Variants in CSMD2 observed in about 807,000 individuals in gnomAD.
CSMD2 encodes the protein CUB and Sushi multiple domains 2.
Under a neutral mutation model 398.5 loss-of-function variants are expected in CSMD2, and 130 were observed. The ratio of observed to expected loss-of-function variants is 0.33; its 90% CI spans 0.28 to 0.38. The LOEUF (loss-of-function observed/expected upper bound fraction) is 0.38. Ranked by LOEUF, CSMD2 falls within the 10% of genes least tolerant of loss-of-function variation. The pLI is 1.00. For missense variants in CSMD2, 3,829 were observed against 4,764.9 expected (o/e 0.80, Z 5.78); for synonymous variants, 1,828 against 1,908.5 (o/e 0.96, Z 1.10).
At chr1:33,732,312 T>C (rs1334192786) in intron 15 of CSMD2, among the ~76,000 whole-genome samples, 1 of 152,202 alleles carries the variant, frequency 6.6e-6, no homozygotes, top group Non-Finnish European at 1.5e-5. Flanking sequence ...CTGGGTGTTA[T>C]GGATGGAATT....
At chr1:33,972,823 T>C (rs1279505901) in intron 3 of CSMD2, among the ~76,000 whole-genome samples, 1 of 152,154 alleles carries the variant, frequency 6.6e-6, no homozygotes, top group Non-Finnish European at 1.5e-5. Context: ...ACAAAGGCCA[T>C]AGGAAACCAA....
intron 25 of CSMD2, among the ~76,000 whole-genome samples, chr1:33,665,033 T>C (rs1644263021): frequency 6.6e-6 from 1 of 152,188 alleles, no homozygotes; most frequent in Non-Finnish European, 1.5e-5. Context: ...GGAATCTCTC[T>C]GGCAGTTTTG....
chr1:33,978,181 G>A (rs1349790992), intron 3 of CSMD2, among the ~76,000 whole-genome samples: 1 of 152,192 alleles, frequency 6.6e-6, no homozygotes, highest in East Asian at 1.9e-4. Context: ...AAGGAGATGA[G>A]ATTACAACAC....
chr1:34,093,289 A>G (rs916323587), intron 1 of CSMD2, among the ~76,000 whole-genome samples: 1 of 152,250 alleles, frequency 6.6e-6, no homozygotes, highest in South Asian at 2.1e-4. Context: ...AAAAGTAGAT[A>G]AAACCACAAA....
In CSMD2 at chr1:33,559,283, G is replaced by A. The variant is rs1485388835; in HGVS notation, c.8554+17C>T. On this transcript the variant is annotated intron_variant, in intron 54 of 70. Transcript: ENST00000373381. This position sits in a 1 kb window ranked among gnomAD's most constrained non-coding sequence, Gnocchi z 4.0. ...AGAGATGGTGGGGACTGGATTGGGA[G>A]AGAAAGGGTGACTCACTTCTGCAGG... The A allele has an allele frequency of 2.6e-6, 4 of 1,533,680 alleles. No homozygotes were observed. The highest frequency in any genetic ancestry group is 2.7e-5 in the African/African-American group (2 of 72,994).
At chr1:33,806,645 A>T (rs1458414256) in intron 10 of CSMD2, among the ~76,000 whole-genome samples, 1 of 152,262 alleles carries the variant, frequency 6.6e-6, no homozygotes, top group Non-Finnish European at 1.5e-5. Flanking sequence ...AATTATGGAA[A>T]GAATTCAAGA....
At chr1:33,724,107 G>A in intron 19 of CSMD2, 90 bp downstream of exon 19, 1 of 854,976 alleles carries the variant, frequency 1.2e-6, no homozygotes, top group Non-Finnish European at 2.0e-6. Flanking sequence ...CACTATCTAG[G>A]GAGATCCCCA....
chr1:33,533,033 C>T lies in CSMD2; in HGVS notation c.10171+17G>A, dbSNP rs749261958. 103 of 1,588,622 alleles carry T rather than the reference C, an allele frequency of 6.5e-5. No individual in the cohort carries two copies. The highest frequency in any genetic ancestry group is 9.4e-5 in the African/African-American group (7 of 74,434). On this transcript the variant is annotated intron_variant, in intron 64 of 70. Transcript: ENST00000373381. The surrounding 1 kb of genome is among the most constrained non-coding windows in gnomAD (Gnocchi z 4.2). ...AGCCTCCCGCCCTGGAGAGCTTCCCCGAGCAGGCACACTCACCCAGGCAGA... is the reference window on the plus strand; with the variant it reads ...AGCCTCCCGCCCTGGAGAGCTTCCCTGAGCAGGCACACTCACCCAGGCAGA...
intron 10 of CSMD2, among the ~76,000 whole-genome samples, chr1:33,797,370 T>C (rs1469523236): frequency 1.3e-5 from 2 of 152,154 alleles, no homozygotes; most frequent in African/African-American, 4.8e-5. Flanking sequence ...TTATGGAAAA[T>C]AGAAAGAATC....
At chr1:34,036,017 C>T (rs116707237) in intron 2 of CSMD2, among the ~76,000 whole-genome samples, 202 of 152,250 alleles carry the variant, frequency 1.3e-3, no homozygotes, top group East Asian at 9.6e-3. Context: ...AGTCACGATA[C>T]CCAATGCTGG....
In CSMD2 at chr1:33,788,640, A is replaced by G; in HGVS notation, c.1623T>C (p.Asp541=). Reference sequence around the variant, plus strand: ...TGAATCCCAGGGAACTGCCACTGCCATCAGTCTGGAAGAGGAGCCACATTT... The same window carrying G: ...TGAATCCCAGGGAACTGCCACTGCCGTCAGTCTGGAAGAGGAGCCACATTT... The part of the protein sequence containing the change: ...NHQMWLLFQT[D]GSGSSLGFKA... The change falls in exon 12 of 71, where the codon GAT becomes GAC. Residue 541 remains aspartate, a synonymous_variant. Transcript: ENST00000373381. The G allele has an allele frequency of 6.2e-7, 1 of 1,613,910 alleles. No individual in the cohort carries two copies. The highest frequency in any genetic ancestry group is 8.5e-7 in the Non-Finnish European group (1 of 1,179,770).
chr1:33,915,115 T>C (rs1443473528), intron 5 of CSMD2, among the ~76,000 whole-genome samples: 2 of 152,104 alleles, frequency 1.3e-5, no homozygotes, highest in Non-Finnish European at 2.9e-5. Context: ...TTTTTTTTTC[T>C]CTCAAAGGAA....
chr1:34,116,330 C>T (rs909852290), intron 1 of CSMD2, among the ~76,000 whole-genome samples: 3 of 151,882 alleles, frequency 2.0e-5, no homozygotes, highest in Non-Finnish European at 4.4e-5. Context: ...TAACCAAAGA[C>T]AGCAAGGTGA....
In CSMD2 at chr1:33,923,094, ATTG is replaced by A. The variant is rs1644004606; in HGVS notation, c.713-4796_713-4794del. Among the ~76,000 whole-genome samples the A allele has an allele frequency of 3.3e-5, 5 of 152,130 alleles. No individual in the cohort carries two copies. The South Asian group carries it at 1.0e-3, about 32-fold the overall frequency. ...CTTGGAGCACTCCCTTAAAAAATTT[ATTG>A]TTATAAAATATTTGTACATTTTTAT... On this transcript the variant is annotated intron_variant, in intron 4 of 70. Transcript: ENST00000373381.
intron 2 of CSMD2, among the ~76,000 whole-genome samples, chr1:34,083,235 G>A (rs1455985093): frequency 6.6e-6 from 1 of 152,162 alleles, no homozygotes; most frequent in Non-Finnish European, 1.5e-5. Context: ...CATGGAAAAT[G>A]CTGCTAGGAC....
At chr1:33,914,437 C>T (rs1288063764) in intron 5 of CSMD2, among the ~76,000 whole-genome samples, 1 of 151,668 alleles carries the variant, frequency 6.6e-6, no homozygotes, top group Non-Finnish European at 1.5e-5. Flanking sequence ...GTGAGGGCTG[C>T]ACACATGTAT....
In CSMD2 at chr1:33,726,579, C is replaced by T. The variant is rs1376724851; in HGVS notation, c.2475G>A (p.Gln825=). 6.2e-7 allele frequency: 1 copy of T among 1,612,844 alleles called. No individual in the cohort carries two copies. The highest frequency in any genetic ancestry group is 1.1e-5 in the South Asian group (1 of 90,844). The change falls in exon 16 of 71, where the codon CAG becomes CAA. Residue 825 remains glutamine, a synonymous_variant. Transcript: ENST00000373381. ...ALSCAWVIEA[Q]PGYPIKITFD... ...AGGTGATTTTGATGGGGTAGCCTGG[C>T]TGGGCCTCAATCACCCAGGCACAGC...
chr1:33,594,738 T>C (rs959694104), intron 44 of CSMD2, among the ~76,000 whole-genome samples: 4 of 152,216 alleles, frequency 2.6e-5, no homozygotes, highest in African/African-American at 9.6e-5. Context: ...TCCTCATCTT[T>C]GCATTGTTTT....
chr1:33,989,192 A>C (rs187067492), intron 3 of CSMD2, among the ~76,000 whole-genome samples: 19 of 151,698 alleles, frequency 1.3e-4, no homozygotes, highest in African/African-American at 3.1e-4. Flanking sequence ...ATGGGCAGAA[A>C]CTTGAATAGA....
Sources: allele counts gnomAD v4.1 joint callset (sites outside exome capture counted in the v4.1 genomes callset), GRCh38; gene constraint gnomAD v4.1.1; non-coding constraint Gnocchi (gnomAD v3.1); transcripts MANE v1.5; gene names NCBI Gene and HGNC (gene_info 2026-07-23, HGNC 2026-07-21).